Variants in RIMS1 observed in about 807,000 individuals in gnomAD.
RIMS1 encodes the protein regulating synaptic membrane exocytosis protein 1.
Under a neutral mutation model 214.1 loss-of-function variants are expected in RIMS1, and 83 were observed. The ratio of observed to expected loss-of-function variants is 0.39; its 90% confidence interval spans 0.32 to 0.47. The LOEUF (loss-of-function observed/expected upper bound fraction) is 0.47. Among genes scored for constraint, RIMS1 ranks in the 20% least tolerant of loss-of-function variants. The pLI is 0.99. For synonymous variants in RIMS1, 793 were observed against 786.8 expected (o/e 1.01, Z -0.13); for missense variants, 2,050 against 2,161.8 (o/e 0.95, Z 1.03).
chr6:72,299,157 C>G (rs2094383766), intron 26 of RIMS1, among the ~76,000 whole-genome samples: 1 of 151,774 alleles, frequency 6.6e-6, no homozygotes, highest in African/African-American at 2.4e-5. Context: ...AAAACTGAAC[C>G]AGAAATTAAA....
chr6:72,248,012 T>C lies in RIMS1; in HGVS notation c.2129-3T>C. Reference sequence around the variant, plus strand: ...TATTACTTACTTTTTTTTCTCATTTTAGGTTCAAGTTCCTTTGAATCTCAG... The same window carrying C: ...TATTACTTACTTTTTTTTCTCATTTCAGGTTCAAGTTCCTTTGAATCTCAG... On this transcript the variant is annotated splice_region_variant and splice_polypyrimidine_tract_variant and intron_variant, in intron 11 of 33. Transcript: ENST00000521978. 1 of 1,595,744 alleles carries C rather than the reference T, an allele frequency of 6.3e-7. No homozygotes were observed. Among genetic ancestry groups the C allele is most frequent in the Non-Finnish European group, 8.6e-7 (1 of 1,163,718 alleles).
rs771165778 is a variant in RIMS1, at chr6:72,097,011, G to T, written c.308G>T (p.Arg103Leu). The stretch of plus-strand genomic sequence containing the variant: ...GTGAGAAAAATAGGGGAAGAAGCGC[G>T]GCGTTACCAGGGCGAGCACAAAGAC... The part of the protein sequence containing the change: ...EQVRKIGEEA[R>L]RYQGEHKDDA... Residue 103 changes from arginine to leucine, a missense_variant, in exon 3 of 34, where the codon CGG becomes CTG. This residue lies in a region of RIMS1 where 882 missense variants were observed against 828.9 expected (regional missense o/e 1.06). Coordinates refer to ENST00000521978, the MANE Select transcript of RIMS1 (RefSeq NM_014989.7). 6.2e-7 allele frequency: 1 copy of T among 1,613,764 alleles called. No homozygotes were observed. The highest frequency in any genetic ancestry group is 1.3e-5 in the African/African-American group (1 of 74,924).
intron 4 of RIMS1, among the ~76,000 whole-genome samples, chr6:72,153,488 ATAAAT>A (rs1351377445): frequency 5.3e-5 from 8 of 152,148 alleles, no homozygotes; most frequent in African/African-American, 9.7e-5. Flanking sequence ...CTAGTATAAA[ATAAAT>A]TAAATGTTTA....
intron 24 of RIMS1, among the ~76,000 whole-genome samples, chr6:72,286,105 G>A (rs1172953111): frequency 1.3e-5 from 2 of 151,942 alleles, no homozygotes; most frequent in Non-Finnish European, 2.9e-5. Flanking sequence ...GCTGAGGCAG[G>A]AGAATTGCTT....
In RIMS1 at chr6:72,291,913, C is replaced by T. The variant is rs373673111; in HGVS notation, c.3738-21C>T. 25 of 1,519,454 alleles carry T rather than the reference C, an allele frequency of 1.6e-5. No individual in the cohort carries two copies. The East Asian group carries it at 2.7e-4, about 16-fold the overall frequency. The allele number at this position is 1,519,454 out of a possible 1,614,324, so 94.1% of individuals were successfully genotyped here. ...CATTGGAATTTCATTGTTTCATGCCCGCTTTGCTTTTTGCCTGCAGAATGC... is the reference window on the plus strand; with the variant it reads ...CATTGGAATTTCATTGTTTCATGCCTGCTTTGCTTTTTGCCTGCAGAATGC... On this transcript the variant is annotated intron_variant, in intron 25 of 33. Transcript: ENST00000521978.
chr6:72,079,745 C>A (rs1054017830), intron 2 of RIMS1, among the ~76,000 whole-genome samples: 6 of 151,790 alleles, frequency 4.0e-5, no homozygotes, highest in African/African-American at 1.5e-4. Context: ...ATTAGCCAGG[C>A]ATGGTGGGGC....
chr6:72,317,955 C>A (rs1010933665), intron 28 of RIMS1, among the ~76,000 whole-genome samples: 26 of 152,026 alleles, frequency 1.7e-4, no homozygotes, highest in Admixed American at 1.6e-3. Context: ...GGCGATTTAA[C>A]CTTTTATCAT....
chr6:72,094,008 G>C lies in RIMS1; in HGVS notation c.246-2941G>C, dbSNP rs571766892. Among the ~76,000 whole-genome samples, 53 of 152,158 alleles carry C rather than the reference G, an allele frequency of 3.5e-4. No homozygotes were observed. In the South Asian group the frequency reaches 0.011, roughly 30 times the overall value. Reference sequence around the variant, plus strand: ...AATTTGCATACTTTCCAGCTCAAACGTACATTAAAAGTTACCTTTTTAAAT... The same window carrying C: ...AATTTGCATACTTTCCAGCTCAAACCTACATTAAAAGTTACCTTTTTAAAT... On this transcript the variant is annotated intron_variant, in intron 2 of 33. Transcript: ENST00000521978.
At chr6:71,936,684 A>G (rs1784562440) in intron 1 of RIMS1, among the ~76,000 whole-genome samples, 1 of 152,224 alleles carries the variant, frequency 6.6e-6, no homozygotes, top group African/African-American at 2.4e-5. Flanking sequence ...CTGGTAGATG[A>G]GAGGAGTCTT....
intron 1 of RIMS1, among the ~76,000 whole-genome samples, chr6:71,957,361 A>C (rs1384560007): frequency 6.6e-6 from 1 of 152,230 alleles, no homozygotes; most frequent in Non-Finnish European, 1.5e-5. Context: ...AGTTACATAA[A>C]GGCAGATTTC....
chr6:72,069,227 GA>G (rs1487246788), intron 2 of RIMS1, among the ~76,000 whole-genome samples: 1 of 152,194 alleles, frequency 6.6e-6, no homozygotes, highest in Admixed American at 6.5e-5. Context: ...ACTGCTGTAG[GA>G]GATGCCAGTG....
intron 22 of RIMS1, among the ~76,000 whole-genome samples, chr6:72,271,283 A>AT (rs1563342669): frequency 9.5e-4 from 73 of 76,662 alleles, no homozygotes; most frequent in South Asian, 3.4e-3. Flanking sequence ...AAAAAAAAAA[A>AT]AAAATATATA....
At chr6:72,051,885 C>T (rs895171036) in intron 2 of RIMS1, among the ~76,000 whole-genome samples, 1 of 151,448 alleles carries the variant, frequency 6.6e-6, no homozygotes, top group Admixed American at 6.6e-5. Context: ...ATTTAGTACA[C>T]CCAAGCATAA....
chr6:72,148,053 A>T (rs956079840), intron 4 of RIMS1, among the ~76,000 whole-genome samples: 1 of 152,274 alleles, frequency 6.6e-6, no homozygotes, highest in East Asian at 1.9e-4. Flanking sequence ...GCCCCTCCTC[A>T]AGAGATTGCT....
intron 29 of RIMS1, among the ~76,000 whole-genome samples, chr6:72,344,653 G>A (rs766594242): frequency 6.6e-5 from 10 of 151,674 alleles, no homozygotes; most frequent in Admixed American, 2.6e-4. Flanking sequence ...TCAAGTTGGC[G>A]AAACCATCAA....
In RIMS1 at chr6:72,319,022, T is replaced by A. The variant is rs543936896; in HGVS notation, c.4130+5350T>A. Among the ~76,000 whole-genome samples, 338 of 151,732 alleles carry A rather than the reference T, an allele frequency of 2.2e-3. 1 individual carries two copies. The highest frequency in any genetic ancestry group is 7.3e-3 in the African/African-American group (299 of 41,136). ...TCATATTTGATGTGTTACCATTTTT[T>A]AAAATTTTTTTTTAAATTTGCTTAC... On this transcript the variant is annotated intron_variant, in intron 28 of 33. Transcript: ENST00000521978.
chr6:72,004,215 C>A (rs1452300495), intron 2 of RIMS1, among the ~76,000 whole-genome samples: 2 of 151,730 alleles, frequency 1.3e-5, no homozygotes, highest in East Asian at 3.9e-4. Flanking sequence ...TTTTTTATGG[C>A]TGCATAGTAT....
At position 72,157,538 on chromosome 6, in the gene RIMS1, G is replaced by C. The variant is rs116718295; in HGVS notation, c.472-22037G>C. ...AATTAAATGCTCCTTTTCATCTCTA[G>C]TAAGGTTTACTGCATCAAGTCTACT... On this transcript the variant is annotated intron_variant, in intron 4 of 33. Transcript: ENST00000521978. Among the ~76,000 whole-genome samples, 317 of 140,278 alleles carry C rather than the reference G, an allele frequency of 2.3e-3. 20 individuals carry two copies. Among genetic ancestry groups the C allele is most frequent in the Middle Eastern group, 7.2e-3 (2 of 276 alleles). 92.0% of individuals were successfully genotyped at this position (140,278 alleles called of 152,430 possible).
At chr6:72,248,436 TAC>T (rs1377448270) in intron 12 of RIMS1, among the ~76,000 whole-genome samples, 2 of 152,186 alleles carry the variant, frequency 1.3e-5, no homozygotes, top group Non-Finnish European at 2.9e-5. Context: ...AATAATTGTT[TAC>T]ACATAATATT....
Sources: gnomAD v4.1 joint callset for allele counts (sites outside exome capture counted in the v4.1 genomes callset) on GRCh38, gnomAD v4.1.1 for gene constraint, gnomAD v4.1.1 regional missense constraint, MANE v1.5 for transcripts, NCBI Gene and HGNC (gene_info 2026-07-23, HGNC 2026-07-21) for gene names.